Variants in AFF2 observed in about 807,000 individuals in gnomAD.
The protein encoded by AFF2 is AF4/FMR2 family member 2.
Under a neutral mutation model 76.9 loss-of-function variants are expected in AFF2, and 14 were observed. The ratio of observed to expected loss-of-function variants is 0.18; its 90% CI spans 0.12 to 0.28. AFF2 has a LOEUF of 0.28. AFF2 is among the 10% of genes least tolerant of loss of function. The pLI, the probability that AFF2 is intolerant of heterozygous loss-of-function variation, is 1.00. For synonymous variants in AFF2, 398 were observed against 366.7 expected, an observed-to-expected ratio of 1.09 and a Z score of -0.98; for missense variants, 868 against 1,001.1, an observed-to-expected ratio of 0.87 and a Z score of 1.79.
chrX:148,708,872 A>G (rs952321839), intron 3 of AFF2, among the ~76,000 whole-genome samples: 4 of 112,128 alleles, frequency 3.6e-5, no homozygotes, highest in African/African-American at 1.3e-4. Context: ...TTAAATTACT[A>G]TATATTTTAC....
chrX:148,898,398 C>T (rs1557280546), intron 8 of AFF2, among the ~76,000 whole-genome samples: 1 of 112,231 alleles, frequency 8.9e-6, no homozygotes, highest in Non-Finnish European at 1.9e-5. Flanking sequence ...TGAAGTAGAA[C>T]ATAAAATAGA....
chrX:148,733,877 T>C (rs1183356980), intron 3 of AFF2, among the ~76,000 whole-genome samples: 1 of 112,585 alleles, frequency 8.9e-6, no homozygotes, highest in African/African-American at 3.2e-5. Flanking sequence ...GTGTATGGTC[T>C]ATAATCTGAC....
intron 3 of AFF2, among the ~76,000 whole-genome samples, chrX:148,697,049 G>A (rs111696840): frequency 0.022 from 2,467 of 112,201 alleles, 64 homozygotes; most frequent in African/African-American, 0.076. Flanking sequence ...AAAGAAGAAA[G>A]TTGTTTCCCC....
intron 3 of AFF2, among the ~76,000 whole-genome samples, chrX:148,749,510 TTAA>T (rs1441849562): frequency 1.8e-5 from 2 of 111,500 alleles, no homozygotes; most frequent in Non-Finnish European, 3.8e-5. Flanking sequence ...CTAAATTGCA[TTAA>T]TAATAATAAT....
chrX:148,605,741 T>G (rs1220073628), intron 1 of AFF2, among the ~76,000 whole-genome samples: 4 of 111,975 alleles, frequency 3.6e-5, no homozygotes, highest in Non-Finnish European at 7.5e-5. Flanking sequence ...TTTAGATAAC[T>G]AAATAAGCAG....
chrX:148,805,118 C>G (rs1174054179), intron 3 of AFF2, among the ~76,000 whole-genome samples: 1 of 111,556 alleles, frequency 9.0e-6, no homozygotes, highest in Non-Finnish European at 1.9e-5. Context: ...CTTCTGTGTA[C>G]CATAAATCAA....
At chrX:148,583,159 G>A in intron 1 of AFF2, among the ~76,000 whole-genome samples, 1 of 111,639 alleles carries the variant, frequency 9.0e-6, no homozygotes, top group Non-Finnish European at 1.9e-5. Context: ...AATAAATAGT[G>A]TTCTGGAATT....
Position 148,955,723 on chromosome X carries a change from C to T in AFF2, c.1678C>T (p.Pro560Ser). 3.3e-6 allele frequency: 4 copies of T among 1,211,706 alleles called. No homozygotes were observed. Among genetic ancestry groups the T allele is most frequent in the Non-Finnish European group, 4.5e-6 (4 of 895,514 alleles). The change falls in exon 11 of 21, where the codon CCT (proline) becomes TCT (serine). Residue 560 changes from proline to serine, a missense_variant. Transcript: ENST00000370460. ...ACCCATGGAGACTATTTCTCTGCCT[C>T]CTCCAATCATCCAACCAATGGAAGT... The part of the protein sequence containing the change: ...ETPMETISLP[P>S]PIIQPMEVQM...
chrX:148,634,660 T>C (rs1569552403), intron 1 of AFF2, among the ~76,000 whole-genome samples: 1 of 112,088 alleles, frequency 8.9e-6, no homozygotes, highest in African/African-American at 3.2e-5. Context: ...AGCATAGAGA[T>C]AAATGATGTG....
chrX:148,647,700 C>T (rs2054157673), intron 1 of AFF2, among the ~76,000 whole-genome samples: 1 of 111,461 alleles, frequency 9.0e-6, no homozygotes, highest in African/African-American at 3.3e-5. Context: ...AGGGACAAAC[C>T]ATGTTGCTTG....
At chrX:148,519,197 C>A (rs1259697013) in intron 1 of AFF2, among the ~76,000 whole-genome samples, 5 of 111,468 alleles carry the variant, frequency 4.5e-5, no homozygotes, top group Non-Finnish European at 9.4e-5. Context: ...GTGCAGGGAC[C>A]CTTCTCCATT....
chrX:148,792,971 C>T (rs2069918012), intron 3 of AFF2, among the ~76,000 whole-genome samples: 1 of 111,999 alleles, frequency 8.9e-6, no homozygotes, highest in African/African-American at 3.2e-5. Flanking sequence ...TAATGTATAT[C>T]TCCCCAGAAA....
At chrX:148,777,483 C>A (rs1557268687) in intron 3 of AFF2, among the ~76,000 whole-genome samples, 1 of 111,935 alleles carries the variant, frequency 8.9e-6, no homozygotes. Context: ...TCTTCCTATC[C>A]ATGAGCATGG....
intron 16 of AFF2, 78 bp from the exon 17 acceptor site, chrX:148,977,855 C>A: frequency 1.4e-6 from 1 of 721,169 alleles, no homozygotes; most frequent in Non-Finnish European, 2.2e-6. Context: ...CTCATTCAGG[C>A]AATCAGAATA....
At chrX:148,704,340 GTA>G (rs1557262155) in intron 3 of AFF2, among the ~76,000 whole-genome samples, 1 of 54,859 alleles carries the variant, frequency 1.8e-5, no homozygotes, top group Non-Finnish European at 3.3e-5. Flanking sequence ...ATATATGTGT[GTA>G]TATATATATT....
chrX:148,783,235 A>C (rs1030895549), intron 3 of AFF2, among the ~76,000 whole-genome samples: 3 of 111,696 alleles, frequency 2.7e-5, no homozygotes, highest in African/African-American at 9.8e-5. Context: ...AAAACAAAAC[A>C]CTTTGCCAAT....
rs191497821 is a variant in AFF2 at position 148,606,128 on chromosome X, A to G, written c.48-45871A>G. 1.7e-4 allele frequency among the ~76,000 whole-genome samples: 19 copies of G among 112,456 alleles called. 1 individual carries two copies. In the East Asian group the frequency reaches 5.3e-3, roughly 32 times the overall value. ...GCATAACTCCACATATAATCATGATAAAACCTAGGATACACACAAATTGAG... is the reference window on the plus strand; with the variant it reads ...GCATAACTCCACATATAATCATGATGAAACCTAGGATACACACAAATTGAG... On this transcript the variant is annotated intron_variant, in intron 1 of 20. Coordinates refer to ENST00000370460, the MANE Select transcript of AFF2 (RefSeq NM_002025.4).
chrX:148,689,469 A>G (rs184792457), intron 3 of AFF2, among the ~76,000 whole-genome samples: 9 of 110,448 alleles, frequency 8.1e-5, no homozygotes, highest in South Asian at 3.9e-4. Context: ...GATTTTCACA[A>G]TGGCCTCCTG....
intron 1 of AFF2, among the ~76,000 whole-genome samples, chrX:148,587,920 T>A (rs2053484319): frequency 8.9e-6 from 1 of 112,765 alleles, no homozygotes; most frequent in Non-Finnish European, 1.9e-5. Flanking sequence ...GTAGTAGATG[T>A]CACATGTAGG....
Sources: allele counts gnomAD v4.1 joint callset (sites outside exome capture counted in the v4.1 genomes callset), GRCh38; gene constraint gnomAD v4.1.1; transcripts MANE v1.5; gene names NCBI Gene and HGNC (gene_info 2026-07-23, HGNC 2026-07-21).